Variants in CSMD1 observed in about 807,000 individuals in gnomAD.
CSMD1 encodes the protein CUB and sushi domain-containing protein 1.
A neutral mutation model predicts 417.5 loss-of-function variants in CSMD1; 213 were observed. The observed-to-expected ratio is 0.51, with a 90% confidence interval of 0.46 to 0.57. The LOEUF (loss-of-function observed/expected upper bound fraction) is 0.57, where lower values mean the gene tolerates loss of function less well. Ranked by LOEUF, CSMD1 falls within the 20% of genes least tolerant of loss-of-function variation. CSMD1 has a pLI of 0.00. For missense variants in CSMD1, 6,923 were observed against 4,529.7 expected, an observed-to-expected ratio of 1.53 and a Z score of -15.17; for synonymous variants, 2,862 against 1,736.8, an observed-to-expected ratio of 1.65 and a Z score of -16.11.
chr8:4,716,569 A>G (rs1028850437), intron 1 of CSMD1, among the ~76,000 whole-genome samples: 5 of 152,248 alleles, frequency 3.3e-5, no homozygotes, highest in Non-Finnish European at 5.9e-5. Flanking sequence ...CACAGATGTT[A>G]AAGGAATTTA....
At chr8:3,622,137 C>T (rs1192758130) in intron 7 of CSMD1, among the ~76,000 whole-genome samples, 1 of 152,130 alleles carries the variant, frequency 6.6e-6, no homozygotes, top group African/African-American at 2.4e-5. Flanking sequence ...CAGTGGTCTA[C>T]TACTAGCTCT....
At position 2,962,482 on chromosome 8, in the gene CSMD1, T is replaced by C. The variant is rs767533055; in HGVS notation, c.9612A>G (p.Ile3204Met). ...VCQADGTWSG[I>M]QPTCIDPAHN... ...AATTATTACCAATGCAGGTGGGTTGTATGCCGCTCCACGTGCCGTCAGCTT... is the reference window on the plus strand; with the variant it reads ...AATTATTACCAATGCAGGTGGGTTGCATGCCGCTCCACGTGCCGTCAGCTT... The change falls in exon 61 of 70, where the codon ATA (isoleucine) becomes ATG (methionine). Residue 3204 changes from isoleucine (I) to methionine (M), a missense_variant. Ile to Met is a conservative substitution (Grantham distance 10). Transcript: ENST00000635120. 4.3e-6 allele frequency: 7 copies of C among 1,613,846 alleles called. No homozygotes were observed. Among genetic ancestry groups the C allele is most frequent in the South Asian group, 3.3e-5 (3 of 91,072 alleles).
At chr8:3,447,705 G>C (rs753978806) in intron 12 of CSMD1, among the ~76,000 whole-genome samples, 12 of 152,204 alleles carry the variant, frequency 7.9e-5, no homozygotes, top group Non-Finnish European at 1.2e-4. Flanking sequence ...CTGGGGGTTT[G>C]CTTCAGCCCT....
intron 5 of CSMD1, among the ~76,000 whole-genome samples, chr8:3,892,305 T>C (rs992507511): frequency 5.9e-5 from 9 of 152,162 alleles, no homozygotes; most frequent in South Asian, 2.1e-4. Flanking sequence ...CAACGCTTAA[T>C]TGCTGAAAAG....
At chr8:3,522,973 A>T (rs1797569745) in intron 10 of CSMD1, among the ~76,000 whole-genome samples, 1 of 149,890 alleles carries the variant, frequency 6.7e-6, no homozygotes, top group African/African-American at 2.5e-5. Flanking sequence ...TCATTTATCT[A>T]TTTTATATAC....
At chr8:3,901,636 G>T (rs1310746036) in intron 5 of CSMD1, among the ~76,000 whole-genome samples, 1 of 152,192 alleles carries the variant, frequency 6.6e-6, no homozygotes, top group Non-Finnish European at 1.5e-5. Flanking sequence ...AAGTAAAACA[G>T]TATCTGGCTC....
intron 7 of CSMD1, among the ~76,000 whole-genome samples, chr8:3,680,990 C>A (rs981443026): frequency 6.6e-6 from 1 of 152,100 alleles, no homozygotes; most frequent in Non-Finnish European, 1.5e-5. Context: ...ATTCAACAGC[C>A]CTTCATGCTA....
intron 7 of CSMD1, among the ~76,000 whole-genome samples, chr8:3,648,897 T>C (rs957244245): frequency 2.0e-5 from 3 of 152,360 alleles, no homozygotes; most frequent in South Asian, 4.1e-4. Context: ...TAGTGTTTTC[T>C]ATTTAAATGA....
chr8:4,196,967 G>T (rs762685148), intron 3 of CSMD1, among the ~76,000 whole-genome samples: 1 of 152,098 alleles, frequency 6.6e-6, no homozygotes, highest in Non-Finnish European at 1.5e-5. Context: ...AGTCATTTGA[G>T]CCTCACCGCC....
chr8:4,472,046 C>G (rs1430574192), intron 2 of CSMD1, among the ~76,000 whole-genome samples: 1 of 152,164 alleles, frequency 6.6e-6, no homozygotes, highest in African/African-American at 2.4e-5. Flanking sequence ...AATTGGAACT[C>G]AGATTTAATG....
chr8:4,271,471 A>C (rs1394051595), intron 3 of CSMD1, among the ~76,000 whole-genome samples: 1 of 152,168 alleles, frequency 6.6e-6, no homozygotes, highest in Non-Finnish European at 1.5e-5. Flanking sequence ...ACTGCAATGC[A>C]ATACATTTTT....
intron 31 of CSMD1, among the ~76,000 whole-genome samples, chr8:3,203,086 C>T (rs73183584): frequency 0.2 from 31,149 of 152,028 alleles, 3,289 homozygotes; most frequent in Admixed American, 0.26. Flanking sequence ...ATAATTTCTA[C>T]TCTTTTTCAA....
chr8:4,692,922 G>C (rs1307847485), intron 1 of CSMD1, among the ~76,000 whole-genome samples: 2 of 152,164 alleles, frequency 1.3e-5, no homozygotes, highest in South Asian at 2.1e-4. Context: ...CAGATTCCCA[G>C]TTTTGCCTCA....
At chr8:4,611,831 T>C (rs1055782200) in intron 2 of CSMD1, among the ~76,000 whole-genome samples, 2 of 152,194 alleles carry the variant, frequency 1.3e-5, no homozygotes, top group East Asian at 1.9e-4. Context: ...CAGCTTAAAA[T>C]GGTAATTCCT....
At chr8:4,849,957 T>C (rs865833515) in intron 1 of CSMD1, among the ~76,000 whole-genome samples, 4 of 152,212 alleles carry the variant, frequency 2.6e-5, no homozygotes, top group African/African-American at 7.2e-5. Flanking sequence ...CCAGACTCTT[T>C]GCTAATGTGG....
chr8:4,424,706 A>G, intron 2 of CSMD1, among the ~76,000 whole-genome samples: 1 of 152,002 alleles, frequency 6.6e-6, no homozygotes, highest in East Asian at 1.9e-4. Context: ...TGACCAAACA[A>G]TTGTTCTTCT....
At chr8:3,691,379 A>G (rs2981368) in intron 7 of CSMD1, among the ~76,000 whole-genome samples, 1 of 151,630 alleles carries the variant, frequency 6.6e-6, no homozygotes, top group African/African-American at 2.4e-5. Flanking sequence ...AAAAAAAAAC[A>G]AAACAAAAAA....
chr8:4,271,786 T>C (rs1304791702), intron 3 of CSMD1, among the ~76,000 whole-genome samples: 2 of 152,204 alleles, frequency 1.3e-5, no homozygotes, highest in Non-Finnish European at 2.9e-5. Flanking sequence ...TTCCACATTA[T>C]GAATTACTCC....
chr8:3,388,896 TACACAC>T (rs6150441), intron 17 of CSMD1, among the ~76,000 whole-genome samples: 24,460 of 147,446 alleles, frequency 0.17, 2,107 homozygotes, highest in East Asian at 0.2. Flanking sequence ...CACACATGCA[TACACAC>T]ACACACACAC....
Sources: allele counts gnomAD v4.1 joint callset (sites outside exome capture counted in the v4.1 genomes callset), GRCh38; gene constraint gnomAD v4.1.1; transcripts MANE v1.5; gene names NCBI Gene and HGNC (gene_info 2026-07-23, HGNC 2026-07-21).